PTPRF: variants seen among roughly 807,000 people sequenced by gnomAD.
PTPRF encodes the protein receptor-type tyrosine-protein phosphatase F.
PTPRF carries 59 observed loss-of-function variants against 201.8 expected under a neutral mutation model. The ratio of observed to expected loss-of-function variants is 0.29; its 90% CI spans 0.24 to 0.36. The LOEUF (loss-of-function observed/expected upper bound fraction) is 0.36, where lower values mean the gene tolerates loss of function less well. PTPRF is among the 10% of genes least tolerant of loss of function. The pLI, the probability that PTPRF is intolerant of heterozygous loss-of-function variation, is 1.00. For synonymous variants in PTPRF, 1,088 were observed against 1,089.7 expected, an observed-to-expected ratio of 1.00 and a Z score of 0.03; for missense variants, 2,132 against 2,690.5, an observed-to-expected ratio of 0.79 and a Z score of 4.59.
In PTPRF at chr1:43,597,774, ATG is replaced by A. The variant is rs1131692054; in HGVS notation, c.1847_1848del (p.Val616GlufsTer49). 1 of 1,435,086 alleles carries A rather than the reference ATG, an allele frequency of 7.0e-7. No individual in the cohort carries two copies. The highest frequency in any genetic ancestry group is 1.9e-4 in the Middle Eastern group (1 of 5,208). The allele number at this position is 1,435,086 out of a possible 1,614,324, so 88.9% of individuals were successfully genotyped here. A position where few individuals can be genotyped will look rare whatever the true frequency, so the allele number is the denominator to read the frequency against. ...STPSAPPQKV[M>X]CVSMGSTTVR... Reference sequence around the variant, plus strand: ...CCCCTCCGCCCCTCCCCAGAAGGTGATGTGTGTGAGCATGGGCTCCACCACGG... The same window carrying A: ...CCCCTCCGCCCCTCCCCAGAAGGTGATGTGTGAGCATGGGCTCCACCACGG... On this transcript the variant is annotated frameshift_variant, in exon 12 of 34. Coordinates refer to ENST00000359947, the MANE Select transcript of PTPRF (RefSeq NM_002840.5). LOFTEE classifies it high-confidence loss of function.
upstream of PTPRF, among the ~76,000 whole-genome samples, chr1:43,522,887 G>A (rs1642995648): frequency 6.6e-6 from 1 of 152,202 alleles, no homozygotes; most frequent in Non-Finnish European, 1.5e-5. Flanking sequence ...CCCCATGTAA[G>A]CCATTCGAAG....
rs1647133093 is a variant in PTPRF, at chr1:43,579,052, C to T, written c.679+132C>T. ...GCCCAGTCTCTTCTCCTTCCTGCTT[C>T]TTTCTGCAGCAGCAGCAACAGCTCC... On this transcript the variant is annotated intron_variant, in intron 7 of 33. Transcript: ENST00000359947. 6.0e-6 allele frequency: 5 copies of T among 838,022 alleles called. No homozygotes were observed. In the East Asian group the frequency reaches 1.3e-4, roughly 22 times the overall value. 51.9% of individuals were successfully genotyped at this position (838,022 alleles called of 1,614,324 possible). A position where few individuals can be genotyped will look rare whatever the true frequency, so the allele number is the denominator to read the frequency against.
upstream of PTPRF, among the ~76,000 whole-genome samples, chr1:43,526,160 G>A (rs1207321171): frequency 1.3e-5 from 2 of 152,146 alleles, no homozygotes; most frequent in East Asian, 1.9e-4. Context: ...GTGGGTTTGC[G>A]GATTTGGTAG....
chr1:43,525,279 T>A (rs1357930441), upstream of PTPRF: 2 of 152,318 alleles, frequency 1.3e-5, no homozygotes, highest in African/African-American at 4.8e-5. Flanking sequence ...AGAGGAGCAG[T>A]TTTGGGAGAG....
At chr1:43,535,189 G>C (rs571177827) in intron 1 of PTPRF, among the ~76,000 whole-genome samples, 1 of 152,314 alleles carries the variant, frequency 6.6e-6, no homozygotes, top group African/African-American at 2.4e-5. Flanking sequence ...CTCAACAAAG[G>C]GGGTGCCTGC....
At chr1:43,595,981 C>T (rs1557805654) in intron 11 of PTPRF, among the ~76,000 whole-genome samples, 1 of 151,974 alleles carries the variant, frequency 6.6e-6, no homozygotes, top group Admixed American at 6.6e-5. Context: ...GTGCATAGGA[C>T]GCCAGCCTGC....
At chr1:43,616,279 T>A (rs1002044120) in intron 23 of PTPRF, among the ~76,000 whole-genome samples, 2 of 151,018 alleles carry the variant, frequency 1.3e-5, no homozygotes, top group Non-Finnish European at 2.9e-5. Flanking sequence ...ACATGCAAAG[T>A]GCTCACAGCG....
At chr1:43,609,331 C>T in intron 21 of PTPRF, 52 bp from the exon 22 acceptor site, 1 of 1,475,234 alleles carries the variant, frequency 6.8e-7, no homozygotes. Context: ...CCATGTGTCA[C>T]TGTCTCAGCC....
At chr1:43,544,916 G>A in intron 2 of PTPRF, 115 bp from the exon 3 acceptor site, 1 of 649,478 alleles carries the variant, frequency 1.5e-6, no homozygotes, top group Non-Finnish European at 2.6e-6. Flanking sequence ...GGGCTCTGTT[G>A]AACTAGGCTC....
intron 6 of PTPRF, among the ~76,000 whole-genome samples, chr1:43,577,650 G>T (rs923577120): frequency 1.3e-5 from 2 of 152,186 alleles, no homozygotes; most frequent in African/African-American, 4.8e-5. Flanking sequence ...CCAGGCAGGG[G>T]GGGCCCGGCA....
Position 43,619,319 on chromosome 1 carries a change from G to A in PTPRF, c.4678G>A (p.Val1560Met), listed in dbSNP as rs545781120. ...CGTGGGCCGCACCGGCTGCTTCATC[G>A]TGATTGATGCCATGTTGGAGCGGAT... ...AGVGRTGCFIVIDAMLERMKH... is the reference protein window; with the variant it reads ...AGVGRTGCFIMIDAMLERMKH... The change falls in exon 28 of 34, where the codon GTG becomes ATG. Residue 1560 changes from valine to methionine, a missense_variant. Val to Met is a conservative substitution (Grantham distance 21). Around this residue, in one of 6 missense-constraint regions of PTPRF, gnomAD observed 519 missense variants for 659.5 expected, o/e 0.79. Coordinates refer to ENST00000359947, the MANE Select transcript of PTPRF (RefSeq NM_002840.5). 50 of 1,613,624 alleles carry A rather than the reference G, an allele frequency of 3.1e-5. No individual in the cohort carries two copies. Among genetic ancestry groups the A allele is most frequent in the African/African-American group, 6.7e-5 (5 of 74,928 alleles).
chr1:43,602,661 G>A (rs1654053268), intron 14 of PTPRF, among the ~76,000 whole-genome samples: 1 of 152,154 alleles, frequency 6.6e-6, no homozygotes, highest in Admixed American at 6.5e-5. Context: ...CTCTCTGTGT[G>A]GTGTGGCTTG....
intron 30 of PTPRF, 41 bp downstream of exon 30, chr1:43,620,262 G>A: frequency 6.2e-7 from 1 of 1,609,492 alleles, no homozygotes. Flanking sequence ...TCATACCTGG[G>A]AGAACACCAG....
rs527732901 is a variant in PTPRF at position 43,581,401 on chromosome 1, G to A, written c.679+2481G>A. The stretch of plus-strand genomic sequence containing the variant: ...CTCTAGGCCCTGATGTCTCAGGACC[G>A]TTTCTAAGCTCTGTCCCCAGGACCT... On this transcript the variant is annotated intron_variant, in intron 7 of 33. Transcript: ENST00000359947. 7.9e-5 allele frequency among the ~76,000 whole-genome samples: 12 copies of A among 152,282 alleles called. No homozygotes were observed. In the East Asian group the frequency reaches 2.1e-3, roughly 27 times the overall value.
chr1:43,603,348 G>A lies in PTPRF; in HGVS notation c.2341-68G>A. ...GGCTCCCCTCAGGCTAGGGTCCTGA[G>A]GTCCCTGACAAGGTCTGGCCTCTCC... is the stretch of plus-strand genomic sequence containing the variant. On this transcript the variant is annotated intron_variant, in intron 14 of 33. Transcript: ENST00000359947. The surrounding 1 kb of genome is among the most constrained non-coding windows in gnomAD (Gnocchi z 5.8). The A allele has an allele frequency of 1.4e-6, 2 of 1,431,616 alleles. No individual in the cohort carries two copies. Among genetic ancestry groups the A allele is most frequent in the South Asian group, 1.1e-5 (1 of 87,172 alleles). The allele number at this position is 1,431,616 out of a possible 1,614,324, so 88.7% of individuals were successfully genotyped here.
In PTPRF at chr1:43,554,259, G is replaced by C. The variant is rs189626276; in HGVS notation, c.379+318G>C. ...GTATCCCTTGGGTTACGTGGTTATG[G>C]CTGTGGCTGTTTGGCAGTGAACCGG... On this transcript the variant is annotated intron_variant, in intron 5 of 33. Transcript: ENST00000359947. This position sits in a 1 kb window ranked among gnomAD's most constrained non-coding sequence, Gnocchi z 4.1. Among the ~76,000 whole-genome samples, 14 of 152,316 alleles carry C rather than the reference G, an allele frequency of 9.2e-5. No individual in the cohort carries two copies. In the East Asian group the frequency reaches 2.5e-3, roughly 27 times the overall value.
At position 43,553,579 on chromosome 1, in the gene PTPRF, C is replaced by T. The variant is rs770909342; in HGVS notation, c.179C>T (p.Pro60Leu). 1 of 1,614,056 alleles carries T rather than the reference C, an allele frequency of 6.2e-7. No individual in the cohort carries two copies. The highest frequency in any genetic ancestry group is 8.5e-7 in the Non-Finnish European group (1 of 1,180,052). ...TTCGTGTGCCAAGCTACAGGAGAACCCAAGCCGCGCATCACATGGATGAAG... is the reference window on the plus strand; with the variant it reads ...TTCGTGTGCCAAGCTACAGGAGAACTCAAGCCGCGCATCACATGGATGAAG... Reference protein sequence around the residue: ...ASFVCQATGEPKPRITWMKKG... With the variant: ...ASFVCQATGELKPRITWMKKG... The change falls in exon 4 of 34, where the codon CCC (proline) becomes CTC (leucine). Residue 60 changes from proline to leucine, a missense_variant. Pro to Leu is a moderately conservative substitution (Grantham distance 98). Transcript: ENST00000359947. This position sits in a 1 kb window ranked among gnomAD's most constrained non-coding sequence, Gnocchi z 4.1.
Position 43,613,649 on chromosome 1 carries a change from C to CG in PTPRF, c.4006dup (p.Asp1336GlyfsTer22). Reference sequence around the variant, plus strand: ...GAGACCACCCACCCATCCCCATCACCGACCTGGCGGACAACATCGAGCGCC... The same window carrying CG: ...GAGACCACCCACCCATCCCCATCACCGGACCTGGCGGACAACATCGAGCGCC... On this transcript the variant is annotated frameshift_variant, in exon 23 of 34. Transcript: ENST00000359947. LOFTEE classifies it high-confidence loss of function. The CG allele has an allele frequency of 6.2e-7, 1 of 1,614,210 alleles. No individual in the cohort carries two copies. Among genetic ancestry groups the CG allele is most frequent in the Non-Finnish European group, 8.5e-7 (1 of 1,180,010 alleles).
In PTPRF at chr1:43,553,511, A is replaced by G. The variant is rs199980050; in HGVS notation, c.111A>G (p.Lys37=). 1 of 1,614,086 alleles carries G rather than the reference A, an allele frequency of 6.2e-7. No homozygotes were observed. The highest frequency in any genetic ancestry group is 1.3e-5 in the African/African-American group (1 of 75,038). Residue 37 remains lysine, a synonymous_variant, in exon 4 of 34, where the codon AAA becomes AAG. Transcript: ENST00000359947. The surrounding 1 kb of genome is among the most constrained non-coding windows in gnomAD (Gnocchi z 4.1). ...AHGDSKPVFI[K]VPEDQTGLSG... is the part of the protein sequence containing the mutation. ...TTCCAGGCAAACCTGTCTTCATTAA[A>G]GTCCCTGAGGACCAGACTGGGCTGT...
Sources: gnomAD v4.1 joint callset for allele counts (sites outside exome capture counted in the v4.1 genomes callset) on GRCh38, gnomAD v4.1.1 for gene constraint, gnomAD v4.1.1 regional missense constraint, Gnocchi (gnomAD v3.1) non-coding constraint, MANE v1.5 for transcripts, NCBI Gene and HGNC (gene_info 2026-07-23, HGNC 2026-07-21) for gene names.